Variants in SLCO1B1 observed in about 807,000 individuals in gnomAD.
SLCO1B1 encodes the protein OATP-2.
SLCO1B1 carries 81 observed loss-of-function variants against 70.1 expected under a neutral mutation model. The observed-to-expected ratio is 1.16, with a 90% CI of 0.97 to 1.39. The LOEUF is 1.39. Ranked by LOEUF, SLCO1B1 falls within the 40% of genes most tolerant of loss-of-function variation. The probability of loss-of-function intolerance (pLI) is 0.00; values close to 1 mark genes in which losing one functional copy is unlikely to be tolerated. For missense variants in SLCO1B1, 895 were observed against 799.6 expected (o/e 1.12, Z -1.44); for synonymous variants, 283 against 271.5 (o/e 1.04, Z -0.42).
At chr12:21,197,594 C>T (rs1941108813) in intron 8 of SLCO1B1, among the ~76,000 whole-genome samples, 1 of 152,018 alleles carries the variant, frequency 6.6e-6, no homozygotes, top group African/African-American at 2.4e-5. Context: ...CTCTATTTTT[C>T]AAGAACCTAG....
intron 11 of SLCO1B1, 27 bp from the exon 12 acceptor site, chr12:21,217,092 T>C: frequency 6.3e-7 from 1 of 1,597,632 alleles, no homozygotes; most frequent in Non-Finnish European, 8.6e-7. Context: ...AAATTTCTTA[T>C]GTCATATTTT....
At chr12:21,162,972 T>C (rs1940640081) in intron 2 of SLCO1B1, among the ~76,000 whole-genome samples, 1 of 152,196 alleles carries the variant, frequency 6.6e-6, no homozygotes, top group Non-Finnish European at 1.5e-5. Context: ...GTAATCTTTC[T>C]CTTTTATCTA....
intron 11 of SLCO1B1, among the ~76,000 whole-genome samples, chr12:21,214,496 A>T (rs1941331891): frequency 6.7e-6 from 1 of 150,210 alleles, no homozygotes; most frequent in African/African-American, 2.5e-5. Flanking sequence ...AAGTCTGCAG[A>T]GGTTACTGCT....
intron 14 of SLCO1B1, among the ~76,000 whole-genome samples, chr12:21,229,484 T>C (rs1941512370): frequency 2.6e-5 from 4 of 152,232 alleles, no homozygotes. Context: ...GTATGTAGCA[T>C]TTTTAGACTA....
chr12:21,133,674 A>T (rs192661384), intron 1 of SLCO1B1, among the ~76,000 whole-genome samples: 2 of 152,142 alleles, frequency 1.3e-5, no homozygotes, highest in Non-Finnish European at 2.9e-5. Context: ...ATTTTTATAC[A>T]TTGATTTTGT....
At position 21,239,069 on chromosome 12, in the gene SLCO1B1, A is replaced by G. The variant is rs746985992; in HGVS notation, c.1956A>G (p.Gln652=). 1 of 1,596,052 alleles carries G rather than the reference A, an allele frequency of 6.3e-7. No individual in the cohort carries two copies. The highest frequency in any genetic ancestry group is 1.3e-5 in the African/African-American group (1 of 74,632). Residue 652 remains glutamine, a synonymous_variant, in exon 15 of 15, where the codon CAA becomes CAG. Coordinates refer to ENST00000256958, the MANE Select transcript of SLCO1B1 (RefSeq NM_006446.5). ...TTTATGCCATGAAGAAAAAATATCA[A>G]GAGAAAGATATCAATGCATCAGAAA... ...ILIYAMKKKY[Q]EKDINASENG... is the part of the protein sequence containing the mutation.
intron 1 of SLCO1B1, among the ~76,000 whole-genome samples, chr12:21,137,272 G>A (rs923587818): frequency 6.6e-6 from 1 of 152,170 alleles, no homozygotes; most frequent in African/African-American, 2.4e-5. Flanking sequence ...AGGCTACTCG[G>A]GGGTCAGGGA....
chr12:21,231,469 G>C (rs1941537241), intron 14 of SLCO1B1, among the ~76,000 whole-genome samples: 1 of 151,918 alleles, frequency 6.6e-6, no homozygotes, highest in South Asian at 2.1e-4. Flanking sequence ...TTTTCCCAAG[G>C]ACTCCTCGTC....
chr12:21,171,414 T>A (rs550070632), intron 2 of SLCO1B1, among the ~76,000 whole-genome samples: 33 of 152,278 alleles, frequency 2.2e-4, no homozygotes, highest in African/African-American at 6.3e-4. Flanking sequence ...ATAGGTTGTT[T>A]ATGGTCTCAT....
chr12:21,178,722 G>C lies in SLCO1B1; in HGVS notation c.628G>C (p.Gly210Arg). 1 of 1,599,944 alleles carries C rather than the reference G, an allele frequency of 6.3e-7. No homozygotes were observed. The highest frequency in any genetic ancestry group is 1.1e-5 in the South Asian group (1 of 90,932). ...AGAAGGACATTCTTCTTTGTATTTA[G>C]GTAATGTACACAAAATATTAAATTG... ...AKEGHSSLYL[G>R]ILNAIAMIGP... The change falls in exon 6 of 15, where the codon GGT (glycine) becomes CGT (arginine). Residue 210 changes from glycine to arginine, a missense_variant and splice_region_variant. Transcript: ENST00000256958.
chr12:21,160,254 G>T (rs1014269842), intron 2 of SLCO1B1, among the ~76,000 whole-genome samples: 2 of 151,832 alleles, frequency 1.3e-5, no homozygotes, highest in Non-Finnish European at 2.9e-5. Flanking sequence ...AACCAAAACA[G>T]CATGGTACTA....
intron 7 of SLCO1B1, among the ~76,000 whole-genome samples, chr12:21,186,280 A>G (rs1235311656): frequency 6.6e-6 from 1 of 152,132 alleles, no homozygotes; most frequent in Non-Finnish European, 1.5e-5. Context: ...TGACTGTAAT[A>G]TATACGTTAC....
intron 10 of SLCO1B1, among the ~76,000 whole-genome samples, chr12:21,203,753 A>C (rs1362611628): frequency 6.6e-6 from 1 of 152,036 alleles, no homozygotes. Context: ...AGGTAAAAGA[A>C]CCTTAGAGAT....
intron 6 of SLCO1B1, 74 bp downstream of exon 6, chr12:21,178,796 CTTATTATT>C: frequency 8.3e-6 from 12 of 1,438,980 alleles, no homozygotes; most frequent in Non-Finnish European, 1.2e-5. Context: ...AGTTACTAAA[CTTATTATT>C]TTACCTATTA....
intron 7 of SLCO1B1, among the ~76,000 whole-genome samples, chr12:21,184,815 G>C (rs1940945431): frequency 1.3e-5 from 2 of 152,060 alleles, no homozygotes; most frequent in Admixed American, 1.3e-4. Flanking sequence ...GACACTGAGT[G>C]ACAAGCTTCA....
chr12:21,228,407 AGCT>A lies in SLCO1B1; in HGVS notation c.1865+3570_1865+3572del, dbSNP rs1941501726. On this transcript the variant is annotated intron_variant, in intron 14 of 14. Coordinates refer to ENST00000256958, the MANE Select transcript of SLCO1B1 (RefSeq NM_006446.5). ...AGTTCCATTTTACTCTTGATAAGTA[AGCT>A]GTTGTCTGTTTTCTTGTTCCTTTAA... Among the ~76,000 whole-genome samples, 6 of 152,298 alleles carry A rather than the reference AGCT, an allele frequency of 3.9e-5. 1 individual carries two copies. In the South Asian group the frequency reaches 1.2e-3, roughly 32 times the overall value.
chr12:21,136,170 C>T (rs888649125), intron 1 of SLCO1B1, among the ~76,000 whole-genome samples: 6 of 152,316 alleles, frequency 3.9e-5, no homozygotes, highest in African/African-American at 1.4e-4. Context: ...CCACTCTCTT[C>T]TGGCTTGTAG....
intron 3 of SLCO1B1, 53 bp downstream of exon 3, chr12:21,172,844 T>C (rs1018088316): frequency 6.7e-7 from 1 of 1,499,394 alleles, no homozygotes; most frequent in Non-Finnish European, 9.2e-7. Flanking sequence ...AAAAAATATA[T>C]ATGCTTTACA....
chr12:21,173,659 T>A (rs1294868258), intron 3 of SLCO1B1, among the ~76,000 whole-genome samples: 3 of 152,214 alleles, frequency 2.0e-5, no homozygotes, highest in Admixed American at 2.0e-4. Flanking sequence ...TTTTGGTGCT[T>A]TTATTCCAAA....
Sources: allele counts gnomAD v4.1 joint callset (sites outside exome capture counted in the v4.1 genomes callset), GRCh38; gene constraint gnomAD v4.1.1; transcripts MANE v1.5; gene names NCBI Gene and HGNC (gene_info 2026-07-23, HGNC 2026-07-21).